Variants in RABGAP1L observed in about 807,000 individuals in gnomAD.
RABGAP1L encodes the protein rab GTPase-activating protein 1-like.
A neutral mutation model predicts 137.7 loss-of-function variants in RABGAP1L; 63 were observed. The observed-to-expected ratio is 0.46, with a 90% CI of 0.37 to 0.56. The LOEUF (loss-of-function observed/expected upper bound fraction) is 0.56. RABGAP1L is among the 20% of genes least tolerant of loss of function. The pLI is 0.00. For synonymous variants in RABGAP1L, 431 were observed against 433.7 expected, an observed-to-expected ratio of 0.99 and a Z score of 0.08; for missense variants, 1,095 against 1,244.0, an observed-to-expected ratio of 0.88 and a Z score of 1.80.
At chr1:174,434,014 A>G (rs1652945114) in intron 13 of RABGAP1L, among the ~76,000 whole-genome samples, 1 of 152,076 alleles carries the variant, frequency 6.6e-6, no homozygotes, top group South Asian at 2.1e-4. Flanking sequence ...ATGTATCAAG[A>G]TACAGAATGT....
chr1:174,612,178 T>C lies in RABGAP1L; in HGVS notation c.1711-25197T>C, dbSNP rs1180987738. Among the ~76,000 whole-genome samples the C allele has an allele frequency of 1.3e-5, 2 of 152,232 alleles. 1 individual carries two copies. Among genetic ancestry groups the C allele is most frequent in the Non-Finnish European group, 2.9e-5 (2 of 68,038 alleles). On this transcript the variant is annotated intron_variant, in intron 13 of 25. Coordinates refer to ENST00000681986, the MANE Select transcript of RABGAP1L (RefSeq NM_001366446.1). ...TCCAGTTTTTGCCCATTCAGTATGA[T>C]ATTGGCTGTGGGTCTGTCATAGATA... is the stretch of plus-strand genomic sequence containing the variant.
intron 10 of RABGAP1L, among the ~76,000 whole-genome samples, chr1:174,289,729 G>A (rs1676403755): frequency 6.6e-6 from 1 of 152,190 alleles, no homozygotes; most frequent in Admixed American, 6.5e-5. Context: ...GATCTGGTGG[G>A]GCTGCTGCCG....
At chr1:174,569,505 TAGAA>T (rs2148044698) in intron 13 of RABGAP1L, among the ~76,000 whole-genome samples, 2 of 152,306 alleles carry the variant, frequency 1.3e-5, no homozygotes, top group Non-Finnish European at 2.9e-5. Context: ...GCATTTACAT[TAGAA>T]AGAAAAATAA....
intron 13 of RABGAP1L, among the ~76,000 whole-genome samples, chr1:174,612,600 TC>T (rs1487775619): frequency 6.6e-6 from 1 of 152,156 alleles, no homozygotes; most frequent in African/African-American, 2.4e-5. Flanking sequence ...TCCCTCTTTT[TC>T]TATTGATTGG....
chr1:174,259,400 A>T (rs574527953), intron 7 of RABGAP1L, among the ~76,000 whole-genome samples: 4 of 152,220 alleles, frequency 2.6e-5, no homozygotes, highest in African/African-American at 9.6e-5. Context: ...GAGGAAACTG[A>T]GGTACAAAAG....
At chr1:174,384,634 CTCTT>C (rs1347304739) in intron 12 of RABGAP1L, among the ~76,000 whole-genome samples, 1 of 152,004 alleles carries the variant, frequency 6.6e-6, no homozygotes, top group Non-Finnish European at 1.5e-5. Context: ...CCATTTTTCT[CTCTT>C]TATTTTGTAA....
chr1:174,648,014 C>G (rs962645843), intron 14 of RABGAP1L, among the ~76,000 whole-genome samples: 1 of 151,860 alleles, frequency 6.6e-6, no homozygotes, highest in East Asian at 1.9e-4. Flanking sequence ...ATAGTATTCT[C>G]TGATAGTTTG....
chr1:174,323,476 G>A (rs1162361970), intron 11 of RABGAP1L, among the ~76,000 whole-genome samples: 2 of 151,878 alleles, frequency 1.3e-5, no homozygotes, highest in Admixed American at 1.3e-4. Flanking sequence ...TCCCTTTCCA[G>A]ATGAGACATT....
chr1:174,808,976 A>T, intron 18 of RABGAP1L, among the ~76,000 whole-genome samples: 1 of 152,258 alleles, frequency 6.6e-6, no homozygotes, highest in Non-Finnish European at 1.5e-5. Flanking sequence ...AATACTTGTG[A>T]TTAAAGATAT....
chr1:174,224,953 AC>A (rs1391709443), intron 3 of RABGAP1L, among the ~76,000 whole-genome samples: 1 of 151,110 alleles, frequency 6.6e-6, no homozygotes, highest in African/African-American at 2.4e-5. Context: ...TTTTTGGATC[AC>A]TGAGATTCTT....
intron 13 of RABGAP1L, among the ~76,000 whole-genome samples, chr1:174,512,970 A>G (rs1426871866): frequency 1.3e-5 from 2 of 152,230 alleles, no homozygotes; most frequent in African/African-American, 4.8e-5. Context: ...TAGTGCTGTA[A>G]TGCAATGAAA....
chr1:174,433,583 A>T (rs1201987661), intron 13 of RABGAP1L, among the ~76,000 whole-genome samples: 1 of 152,158 alleles, frequency 6.6e-6, no homozygotes, highest in Non-Finnish European at 1.5e-5. Flanking sequence ...CTGGCATTTG[A>T]TATGTCTTTT....
At chr1:174,911,356 T>G (rs1012989827) in intron 19 of RABGAP1L, among the ~76,000 whole-genome samples, 1 of 152,218 alleles carries the variant, frequency 6.6e-6, no homozygotes, top group South Asian at 2.1e-4. Flanking sequence ...CAAACGGCTT[T>G]GTTGACACTT....
intron 7 of RABGAP1L, among the ~76,000 whole-genome samples, chr1:174,259,676 T>C (rs2148624487): frequency 6.6e-6 from 1 of 152,326 alleles, no homozygotes; most frequent in East Asian, 1.9e-4. Flanking sequence ...ATTCTTTTCC[T>C]TTTCTTGATT....
chr1:174,357,996 A>G (rs539782833), intron 11 of RABGAP1L, among the ~76,000 whole-genome samples: 5 of 152,242 alleles, frequency 3.3e-5, no homozygotes, highest in African/African-American at 9.6e-5. Context: ...GATACAGACA[A>G]CTGAAGCACA....
chr1:174,441,997 TA>T (rs1654215758), intron 13 of RABGAP1L, among the ~76,000 whole-genome samples: 1 of 152,074 alleles, frequency 6.6e-6, no homozygotes, highest in South Asian at 2.1e-4. Flanking sequence ...TACCAGTGAT[TA>T]TTTTTGGAAA....
intron 13 of RABGAP1L, among the ~76,000 whole-genome samples, chr1:174,536,871 G>A (rs1306342201): frequency 2.6e-5 from 4 of 152,026 alleles, no homozygotes; most frequent in East Asian, 1.9e-4. Flanking sequence ...ATAGAGAAAA[G>A]GACACATTTA....
intron 13 of RABGAP1L, among the ~76,000 whole-genome samples, chr1:174,406,454 G>C (rs1649290721): frequency 6.6e-6 from 1 of 152,130 alleles, no homozygotes; most frequent in Non-Finnish European, 1.5e-5. Context: ...TTTGAAGAAA[G>C]ATGTTAGAGG....
At chr1:174,945,725 G>A (rs1235614152) in intron 19 of RABGAP1L, 1 of 152,140 alleles carries the variant, frequency 6.6e-6, no homozygotes, top group Non-Finnish European at 1.5e-5. Flanking sequence ...AGTGGGAACA[G>A]AAAGAAACAA....
Sources: gnomAD v4.1 joint callset for allele counts (sites outside exome capture counted in the v4.1 genomes callset) on GRCh38, gnomAD v4.1.1 for gene constraint, MANE v1.5 for transcripts, NCBI Gene and HGNC (gene_info 2026-07-23, HGNC 2026-07-21) for gene names.